Variants in CCDC141 observed in about 807,000 individuals in gnomAD.
The protein encoded by CCDC141 is coiled-coil domain containing 141.
A neutral mutation model predicts 181.0 loss-of-function variants in CCDC141; 168 were observed. That is an observed-to-expected ratio of 0.93 (90% CI 0.82 to 1.05). The LOEUF is 1.05. Among genes scored for constraint, CCDC141 ranks in the 50% least tolerant of loss-of-function variants. The pLI, the probability that CCDC141 is intolerant of heterozygous loss-of-function variation, is 0.00. For synonymous variants in CCDC141, 666 were observed against 642.3 expected (o/e 1.04, Z -0.56); for missense variants, 1,902 against 1,788.5 (o/e 1.06, Z -1.14).
intron 7 of CCDC141, chr2:178,915,662 G>A (rs1302248757): frequency 6.6e-6 from 1 of 152,106 alleles, no homozygotes; most frequent in Non-Finnish European, 1.5e-5. Context: ...GCATGTGCCG[G>A]GAGAGAAAAT....
intron 4 of CCDC141, 129 bp from the exon 5 acceptor site, chr2:178,961,612 A>G (rs1360790272): frequency 2.4e-6 from 2 of 818,006 alleles, no homozygotes; most frequent in Non-Finnish European, 3.7e-6. Flanking sequence ...TGCTGCAAGG[A>G]ATTAAAATAT....
chr2:178,937,503 G>T (rs146815135), intron 6 of CCDC141, among the ~76,000 whole-genome samples: 2 of 152,204 alleles, frequency 1.3e-5, no homozygotes, highest in African/African-American at 4.8e-5. Flanking sequence ...TAAGTGTTTT[G>T]TTGCGGACTT....
In CCDC141 at chr2:178,849,023, T is replaced by TA. The variant is rs552001918; in HGVS notation, c.3357+1025dup. Among the ~76,000 whole-genome samples the TA allele has an allele frequency of 2.7e-3, 410 of 151,450 alleles. 2 individuals carry two copies. Among genetic ancestry groups the TA allele is most frequent in the South Asian group, 5.2e-3 (25 of 4,794 alleles). ...AGTGTTATTTAAAATGGTAAAATGG[T>TA]AAAAAAAAATCTAGATTTTTAACCA... is the stretch of plus-strand genomic sequence containing the variant. On this transcript the variant is annotated intron_variant, in intron 21 of 23. Transcript: ENST00000443758.
At chr2:178,900,409 A>G (rs1409139704) in intron 8 of CCDC141, among the ~76,000 whole-genome samples, 1 of 152,174 alleles carries the variant, frequency 6.6e-6, no homozygotes, top group Non-Finnish European at 1.5e-5. Context: ...ATACATGTAG[A>G]GTGTCAAAAA....
At chr2:179,032,482 A>G (rs2043027511) in intron 2 of CCDC141, among the ~76,000 whole-genome samples, 1 of 152,154 alleles carries the variant, frequency 6.6e-6, no homozygotes, top group South Asian at 2.1e-4. Flanking sequence ...GCTCACAACT[A>G]AAAGAGAGGG....
At chr2:178,879,873 G>A (rs1686517660) in intron 11 of CCDC141, among the ~76,000 whole-genome samples, 1 of 152,208 alleles carries the variant, frequency 6.6e-6, no homozygotes, top group Non-Finnish European at 1.5e-5. Context: ...TGATTCAGAG[G>A]ACAATACATG....
At chr2:178,884,051 G>A (rs1346729430) in intron 11 of CCDC141, among the ~76,000 whole-genome samples, 7 of 152,040 alleles carry the variant, frequency 4.6e-5, no homozygotes, top group African/African-American at 1.7e-4. Flanking sequence ...GAAGATGACT[G>A]TTTTGAAATA....
intron 4 of CCDC141, among the ~76,000 whole-genome samples, chr2:178,963,778 T>C (rs1690504845): frequency 6.6e-6 from 1 of 152,192 alleles, no homozygotes; most frequent in African/African-American, 2.4e-5. Context: ...AGATCAGTCC[T>C]GTAAAATATT....
rs1420481697 is a variant in CCDC141 at position 178,832,104 on chromosome 2, C to T, written c.*2069G>A. ...AAGAAAGAGAAAGTGGGAAGAGAGA[C>T]AGTTTGTTACCGGGTCTCACCTGCC... On this transcript the variant is annotated 3_prime_UTR_variant, in exon 24 of 24. Transcript: ENST00000443758. 1 of 152,120 alleles carries T rather than the reference C, an allele frequency of 6.6e-6. No homozygotes were observed. Among genetic ancestry groups the T allele is most frequent in the Non-Finnish European group, 1.5e-5 (1 of 68,022 alleles). 9.4% of individuals were successfully genotyped at this position (152,120 alleles called of 1,614,324 possible). A position where few individuals can be genotyped will look rare whatever the true frequency, so the allele number is the denominator to read the frequency against.
At chr2:178,902,289 C>A (rs2154372575) in intron 8 of CCDC141, among the ~76,000 whole-genome samples, 1 of 152,180 alleles carries the variant, frequency 6.6e-6, no homozygotes, top group East Asian at 1.9e-4. Flanking sequence ...AAAGAGCCTG[C>A]ATCGCCAAGT....
chr2:178,988,572 A>G (rs1691873932), intron 2 of CCDC141, among the ~76,000 whole-genome samples: 1 of 152,188 alleles, frequency 6.6e-6, no homozygotes, highest in South Asian at 2.1e-4. Flanking sequence ...GTTAAAAAGC[A>G]ATACTGTCTA....
At chr2:179,029,634 A>G (rs2042949640) in intron 2 of CCDC141, among the ~76,000 whole-genome samples, 1 of 152,200 alleles carries the variant, frequency 6.6e-6, no homozygotes, top group Admixed American at 6.5e-5. Context: ...CCATAAGTTA[A>G]TCATGAACAT....
chr2:178,898,752 G>A (rs1687534523), intron 8 of CCDC141, among the ~76,000 whole-genome samples: 1 of 152,110 alleles, frequency 6.6e-6, no homozygotes, highest in African/African-American at 2.4e-5. Flanking sequence ...AAGGGTCTCA[G>A]ATTTACTAAG....
At chr2:178,958,090 A>G (rs1690235091) in intron 5 of CCDC141, among the ~76,000 whole-genome samples, 2 of 152,236 alleles carry the variant, frequency 1.3e-5, no homozygotes, top group African/African-American at 4.8e-5. Context: ...ACAAGGCAAA[A>G]CTATGGGAAC....
chr2:178,965,433 C>G (rs1690582085), intron 4 of CCDC141, among the ~76,000 whole-genome samples: 1 of 152,212 alleles, frequency 6.6e-6, no homozygotes, highest in Non-Finnish European at 1.5e-5. Flanking sequence ...CCCGGTTCAT[C>G]TCATTGGTAC....
In CCDC141 at chr2:179,036,637, T is replaced by C. The variant is rs1575376634; in HGVS notation, c.225+10647A>G. Among the ~76,000 whole-genome samples, 3 of 152,308 alleles carry C rather than the reference T, an allele frequency of 2.0e-5. No individual in the cohort carries two copies. In the East Asian group the frequency reaches 5.8e-4, roughly 29 times the overall value. On this transcript the variant is annotated intron_variant, in intron 2 of 23. Transcript: ENST00000443758. The stretch of plus-strand genomic sequence containing the variant: ...GTTGTGAGAACACTATTTTCATTTT[T>C]TAGTGGAAAAAGTTCTCCATTTTCA...
Position 178,933,521 on chromosome 2 carries a change from A to C in CCDC141, c.897+11014T>G, listed in dbSNP as rs560627084. On this transcript the variant is annotated intron_variant, in intron 6 of 23. Coordinates refer to ENST00000443758, the MANE Select transcript of CCDC141 (RefSeq NM_173648.4). ...GAGTCACACCTTGAATAACAAGGCT[A>C]TAAGTTTCCTTTAAGCCTTAAAGAT... Among the ~76,000 whole-genome samples the C allele has an allele frequency of 5.9e-5, 9 of 152,300 alleles. 1 individual carries two copies. Among genetic ancestry groups the C allele is most frequent in the African/African-American group, 2.2e-4 (9 of 41,580 alleles).
chr2:178,905,987 T>A (rs1192695587), intron 7 of CCDC141, among the ~76,000 whole-genome samples: 1 of 152,218 alleles, frequency 6.6e-6, no homozygotes, highest in Non-Finnish European at 1.5e-5. Flanking sequence ...AAATTATGAA[T>A]GTCCTTTTTT....
At chr2:178,978,059 C>A (rs1020397279) in intron 3 of CCDC141, among the ~76,000 whole-genome samples, 1 of 152,102 alleles carries the variant, frequency 6.6e-6, no homozygotes, top group African/African-American at 2.4e-5. Flanking sequence ...TCTATAATTG[C>A]CTTTTTAAAA....
Sources: allele counts gnomAD v4.1 joint callset (sites outside exome capture counted in the v4.1 genomes callset), GRCh38; gene constraint gnomAD v4.1.1; transcripts MANE v1.5; gene names NCBI Gene and HGNC (gene_info 2026-07-23, HGNC 2026-07-21).